PDZRN3: variants seen among roughly 807,000 people sequenced by gnomAD.
PDZRN3 encodes the protein E3 ubiquitin-protein ligase PDZRN3.
A neutral mutation model predicts 85.7 loss-of-function variants in PDZRN3; 38 were observed. The observed-to-expected ratio is 0.44, with a 90% CI of 0.34 to 0.58. The LOEUF (loss-of-function observed/expected upper bound fraction) is 0.58, where lower values mean the gene tolerates loss of function less well. PDZRN3 is among the 20% of genes least tolerant of loss of function. PDZRN3 has a pLI of 0.01. For synonymous variants in PDZRN3, 759 were observed against 638.0 expected (o/e 1.19, Z -2.86); for missense variants, 1,629 against 1,506.4 (o/e 1.08, Z -1.35).
chr3:73,540,491 C>A (rs1704894806), intron 3 of PDZRN3, among the ~76,000 whole-genome samples: 1 of 152,128 alleles, frequency 6.6e-6, no homozygotes. Flanking sequence ...CCATCATCCC[C>A]ACGTATTGTG....
intron 3 of PDZRN3, among the ~76,000 whole-genome samples, chr3:73,590,277 A>G (rs2106878774): frequency 6.6e-6 from 1 of 151,780 alleles, no homozygotes; most frequent in Admixed American, 6.6e-5. Context: ...TCAAAAAAAA[A>G]AAAAAAAAAG....
intron 3 of PDZRN3, among the ~76,000 whole-genome samples, chr3:73,601,690 AAC>A (rs1365999652): frequency 6.6e-6 from 1 of 152,170 alleles, no homozygotes; most frequent in Non-Finnish European, 1.5e-5. Flanking sequence ...AGAACACTGC[AAC>A]CCTGTTACAA....
At chr3:73,616,007 C>G (rs1003432962) in intron 1 of PDZRN3, among the ~76,000 whole-genome samples, 10 of 152,194 alleles carry the variant, frequency 6.6e-5, no homozygotes, top group African/African-American at 2.4e-4. Flanking sequence ...GAGATTAATG[C>G]TGTCCCAGGG....
chr3:73,388,083 A>AAT lies in PDZRN3; in HGVS notation c.1417-15_1417-14insAT. The AAT allele has an allele frequency of 1.1e-6, 1 of 908,170 alleles. No individual in the cohort carries two copies. The highest frequency in any genetic ancestry group is 1.7e-6 in the Non-Finnish European group (1 of 588,932). 56.3% of individuals were successfully genotyped at this position (908,170 alleles called of 1,614,324 possible). A position where few individuals can be genotyped will look rare whatever the true frequency, so the allele number is the denominator to read the frequency against. On this transcript the variant is annotated splice_polypyrimidine_tract_variant and intron_variant, in intron 7 of 9. Transcript: ENST00000263666. ...TATCCCATTAATCTTTTAAAAAAAA[A>AAT]GGGGGGGTGGGGAGAGTGGGGAGAC... is the stretch of plus-strand genomic sequence containing the variant.
chr3:73,595,238 A>T (rs938564456), intron 3 of PDZRN3, among the ~76,000 whole-genome samples: 7 of 152,244 alleles, frequency 4.6e-5, no homozygotes, highest in Non-Finnish European at 8.8e-5. Flanking sequence ...TTCTCAACGC[A>T]GCTTGAATTA....
chr3:73,446,919 C>T (rs1189766330), intron 3 of PDZRN3, among the ~76,000 whole-genome samples: 1 of 151,784 alleles, frequency 6.6e-6, no homozygotes, highest in Non-Finnish European at 1.5e-5. Flanking sequence ...TAGCTCCTGC[C>T]TTCTCCCACT....
intron 5 of PDZRN3, among the ~76,000 whole-genome samples, chr3:73,395,476 G>C (rs1701616484): frequency 6.6e-6 from 1 of 152,162 alleles, no homozygotes; most frequent in Non-Finnish European, 1.5e-5. Flanking sequence ...CATTTCAGAG[G>C]AAATTGAAAC....
chr3:73,447,372 G>A (rs1186902023), intron 3 of PDZRN3, among the ~76,000 whole-genome samples: 2 of 151,930 alleles, frequency 1.3e-5, no homozygotes, highest in African/African-American at 2.4e-5. Flanking sequence ...TCTCCAGGCC[G>A]ACAGAGGTTT....
At chr3:73,419,782 G>C (rs749064484) in intron 3 of PDZRN3, among the ~76,000 whole-genome samples, 87 of 152,256 alleles carry the variant, frequency 5.7e-4, no homozygotes, top group Non-Finnish European at 8.2e-4. Context: ...GCTATCGCAG[G>C]CTTGGCATAT....
intron 3 of PDZRN3, among the ~76,000 whole-genome samples, chr3:73,510,178 C>T (rs977167198): frequency 1.5e-4 from 23 of 152,344 alleles, no homozygotes; most frequent in African/African-American, 4.1e-4. Context: ...CCCTACTGCA[C>T]GCTTTCTGCC....
At chr3:73,401,998 TAC>T (rs1220173769) in intron 4 of PDZRN3, 2 of 152,260 alleles carry the variant, frequency 1.3e-5, no homozygotes, top group African/African-American at 4.8e-5. Flanking sequence ...CAGGCAAATA[TAC>T]TGCCTGCACT....
chr3:73,417,380 G>A (rs1310559030), intron 3 of PDZRN3, among the ~76,000 whole-genome samples: 1 of 152,168 alleles, frequency 6.6e-6, no homozygotes, highest in Non-Finnish European at 1.5e-5. Context: ...AGGAGCAGTG[G>A]TCCGTATTTT....
chr3:73,450,448 T>C (rs992420945), intron 3 of PDZRN3, among the ~76,000 whole-genome samples: 1 of 152,228 alleles, frequency 6.6e-6, no homozygotes, highest in Non-Finnish European at 1.5e-5. Context: ...AGGCTCAAGC[T>C]GATCAGTGCA....
intron 3 of PDZRN3, among the ~76,000 whole-genome samples, chr3:73,415,514 A>G (rs1371468425): frequency 6.6e-6 from 1 of 152,182 alleles, no homozygotes; most frequent in Non-Finnish European, 1.5e-5. Context: ...TCTCCAATTT[A>G]TGATGGTTTG....
intron 3 of PDZRN3, among the ~76,000 whole-genome samples, chr3:73,490,968 C>T (rs1041394803): frequency 6.6e-6 from 1 of 152,292 alleles, no homozygotes; most frequent in Admixed American, 6.5e-5. Context: ...GTTGAAACTG[C>T]AATATCAGGA....
chr3:73,463,781 A>C (rs1220814005), intron 3 of PDZRN3, among the ~76,000 whole-genome samples: 2 of 152,348 alleles, frequency 1.3e-5, no homozygotes, highest in South Asian at 2.1e-4. Flanking sequence ...AATGCCTATC[A>C]GTGATAGACT....
At chr3:73,550,313 C>T (rs1701523345) in intron 3 of PDZRN3, among the ~76,000 whole-genome samples, 1 of 152,140 alleles carries the variant, frequency 6.6e-6, no homozygotes, top group African/African-American at 2.4e-5. Flanking sequence ...TTTAACAGGC[C>T]CTTTAGGTCA....
chr3:73,383,373 T>TAGTC lies in PDZRN3; in HGVS notation c.3189_3192dup (p.Thr1065AspfsTer13). The TAGTC allele has an allele frequency of 6.2e-7, 1 of 1,605,890 alleles. No homozygotes were observed. Among genetic ancestry groups the TAGTC allele is most frequent in the Non-Finnish European group, 8.5e-7 (1 of 1,175,968 alleles). The stretch of plus-strand genomic sequence containing the variant: ...TAATGCAGAAGTGAAAATTATACAG[T>TAGTC]AGTCACCGATAGGAAGGAATTGTAT... On this transcript the variant is annotated frameshift_variant, in exon 10 of 10. Coordinates refer to ENST00000263666, the MANE Select transcript of PDZRN3 (RefSeq NM_015009.3). LOFTEE classifies it high-confidence loss of function.
At chr3:73,491,720 A>G (rs74697481) in intron 3 of PDZRN3, among the ~76,000 whole-genome samples, 1,588 of 151,594 alleles carry the variant, frequency 0.01, 31 homozygotes, top group African/African-American at 0.036. Flanking sequence ...CACCTCCTAC[A>G]GAGTAGCTGA....
Sources: allele counts gnomAD v4.1 joint callset (sites outside exome capture counted in the v4.1 genomes callset), GRCh38; gene constraint gnomAD v4.1.1; transcripts MANE v1.5; gene names NCBI Gene and HGNC (gene_info 2026-07-23, HGNC 2026-07-21).